HNRNPM: variants seen among roughly 807,000 people sequenced by gnomAD.
HNRNPM encodes the protein CEA receptor.
A neutral mutation model predicts 73.1 loss-of-function variants in HNRNPM; 11 were observed. The ratio of observed to expected loss-of-function variants is 0.15; its 90% confidence interval spans 0.09 to 0.25. The LOEUF (loss-of-function observed/expected upper bound fraction) is 0.25, where lower values mean the gene tolerates loss of function less well. Ranked by LOEUF, HNRNPM falls within the 10% of genes least tolerant of loss-of-function variation. The pLI, the probability that HNRNPM is intolerant of heterozygous loss-of-function variation, is 1.00. For missense variants in HNRNPM, 789 were observed against 1,067.9 expected (o/e 0.74, Z 3.64); for synonymous variants, 407 against 355.2 (o/e 1.15, Z -1.64).
At chr19:8,488,503 T>TGGGGCA (rs893684580) in intron 15 of HNRNPM, 188 bp from the exon 16 acceptor site, 46 of 472,978 alleles carry the variant, frequency 9.7e-5, no homozygotes, top group Non-Finnish European at 1.5e-4. Context: ...AGGCTTTTCA[T>TGGGGCA]GGGGCAGGGG....
intron 7 of HNRNPM, among the ~76,000 whole-genome samples, chr19:8,466,914 G>A (rs936211714): frequency 2.0e-5 from 3 of 150,524 alleles, no homozygotes; most frequent in African/African-American, 7.3e-5. Context: ...TACAACATGG[G>A]CATATGCCCA....
chr19:8,475,907 T>C (rs8104666), intron 12 of HNRNPM, among the ~76,000 whole-genome samples: 10 of 6,258 alleles, frequency 1.6e-3, no homozygotes, highest in Non-Finnish European at 2.8e-3. Flanking sequence ...ATCTCTCTCT[T>C]TTTTTTTTTT....
intron 11 of HNRNPM, among the ~76,000 whole-genome samples, 155 bp downstream of exon 11, chr19:8,473,863 G>A (rs1268451683): frequency 6.6e-6 from 1 of 151,956 alleles, no homozygotes. Flanking sequence ...TCCTTCCAGC[G>A]GGTGTCTTGG....
At chr19:8,483,074 T>C in intron 12 of HNRNPM, 84 bp from the exon 13 acceptor site, 1 of 838,206 alleles carries the variant, frequency 1.2e-6, no homozygotes, top group East Asian at 2.5e-5. Flanking sequence ...ATTAGTAGTA[T>C]TTCTACTCTG....
chr19:8,455,344 A>G (rs1185189356), intron 1 of HNRNPM, 61 bp from the exon 2 acceptor site: 1 of 1,377,308 alleles, frequency 7.3e-7, no homozygotes, highest in Non-Finnish European at 1.0e-6. Context: ...TCAAATAATT[A>G]TCTTTCACAT....
At chr19:8,472,087 C>G (rs544331407) in intron 10 of HNRNPM, among the ~76,000 whole-genome samples, 1 of 150,252 alleles carries the variant, frequency 6.7e-6, no homozygotes, top group African/African-American at 2.4e-5. Flanking sequence ...AGGAGAATTG[C>G]TTGAACCCGG....
At chr19:8,470,078 T>C (rs1428436546) in intron 9 of HNRNPM, among the ~76,000 whole-genome samples, 1 of 152,216 alleles carries the variant, frequency 6.6e-6, no homozygotes, top group Admixed American at 6.5e-5. Context: ...TGTTGACTCT[T>C]GTGCTGGAGC....
At chr19:8,464,329 G>GT (rs1272803918) in intron 5 of HNRNPM, among the ~76,000 whole-genome samples, 1 of 152,114 alleles carries the variant, frequency 6.6e-6, no homozygotes, top group Non-Finnish European at 1.5e-5. Flanking sequence ...GAGGAAGAAG[G>GT]TTTTTTTGTT....
At chr19:8,468,120 G>A (rs769556049) in intron 8 of HNRNPM, among the ~76,000 whole-genome samples, 3 of 152,204 alleles carry the variant, frequency 2.0e-5, no homozygotes, top group South Asian at 2.1e-4. Flanking sequence ...TGTTCATGGC[G>A]CATTCAGGAA....
intron 9 of HNRNPM, 116 bp downstream of exon 9, chr19:8,468,950 C>G (rs1044809078): frequency 3.9e-6 from 3 of 773,316 alleles, no homozygotes; most frequent in Non-Finnish European, 6.8e-6. Flanking sequence ...TTCTCTTGGC[C>G]AGTTCTTTTC....
rs767660290 is a variant in HNRNPM, at chr19:8,462,023, T to G, written c.284-506T>G. ...GCGGGGCTCTGTACAATTGCACGAG[T>G]TGCTCACCTGTGAAGCTGGCCCTGC... On this transcript the variant is annotated intron_variant, in intron 2 of 15. Transcript: ENST00000325495. This position sits in a 1 kb window ranked among gnomAD's most constrained non-coding sequence, Gnocchi z 4.5. 49 of 155,268 alleles carry G rather than the reference T, an allele frequency of 3.2e-4. No homozygotes were observed. The highest frequency in any genetic ancestry group is 6.7e-4 in the Non-Finnish European group (47 of 69,678). 9.6% of individuals were successfully genotyped at this position (155,268 alleles called of 1,614,324 possible).
chr19:8,475,699 G>A lies in HNRNPM; in HGVS notation c.1120+1455G>A, dbSNP rs182605186. ...GCGTTTCCAGTGTACATTCAAGCTT[G>A]CCTGTAACTTGTGTGTGCATGGGAT... is the stretch of plus-strand genomic sequence containing the variant. On this transcript the variant is annotated intron_variant, in intron 12 of 15. Coordinates refer to ENST00000325495, the MANE Select transcript of HNRNPM (RefSeq NM_005968.5). Among the ~76,000 whole-genome samples, 5 of 152,320 alleles carry A rather than the reference G, an allele frequency of 3.3e-5. No individual in the cohort carries two copies. In the East Asian group the frequency reaches 9.6e-4, roughly 29 times the overall value.
intron 12 of HNRNPM, among the ~76,000 whole-genome samples, chr19:8,481,227 G>A (rs1457371284): frequency 6.6e-6 from 1 of 152,214 alleles, no homozygotes; most frequent in East Asian, 1.9e-4. Flanking sequence ...GTGTAGCTGA[G>A]GCGATACTAA....
intron 8 of HNRNPM, 150 bp from the exon 9 acceptor site, chr19:8,468,624 C>G: frequency 3.2e-6 from 2 of 622,190 alleles, no homozygotes; most frequent in Middle Eastern, 2.5e-4. Flanking sequence ...GAAGCATGCT[C>G]CGCATGCCTT....
In HNRNPM at chr19:8,485,093, G is replaced by A. The variant is rs187060518; in HGVS notation, c.1175-510G>A. ...AATCCTTTCTCTGTGCCCTGGGAGC[G>A]CTGAGGAAATGCAGCCAGAGTGGCC... On this transcript the variant is annotated intron_variant, in intron 13 of 15. Transcript: ENST00000325495. 4.9e-4 allele frequency among the ~76,000 whole-genome samples: 75 copies of A among 152,050 alleles called. 2 individuals carry two copies. The highest frequency in any genetic ancestry group is 1.9e-4 in the Non-Finnish European group (13 of 67,970).
chr19:8,446,435 G>C lies in HNRNPM; in HGVS notation c.113+1324G>C, dbSNP rs188352330. Among the ~76,000 whole-genome samples, 15 of 152,210 alleles carry C rather than the reference G, an allele frequency of 9.9e-5. No homozygotes were observed. In the East Asian group the frequency reaches 2.9e-3, roughly 29 times the overall value. The stretch of plus-strand genomic sequence containing the variant: ...TATTTAATTTTTTTCTTTGAGACAG[G>C]GTCTCCCTCTGTTACCCAAGCTGGG... On this transcript the variant is annotated intron_variant, in intron 1 of 15. Transcript: ENST00000325495.
chr19:8,445,216 C>G (rs1198875738), intron 1 of HNRNPM, 105 bp downstream of exon 1: 4 of 1,041,832 alleles, frequency 3.8e-6, no homozygotes, highest in South Asian at 2.5e-5. Context: ...GGCGCGGCCT[C>G]GGCCCCGGCT....
chr19:8,487,214 C>T lies in HNRNPM; in HGVS notation c.2029+139C>T. On this transcript the variant is annotated intron_variant, in intron 15 of 15. Transcript: ENST00000325495. ...TTGCCATGTTCTGCCCACGCCAATGCTCAGGCAGGTTGTTGAGTGTCCTGT... is the reference window on the plus strand; with the variant it reads ...TTGCCATGTTCTGCCCACGCCAATGTTCAGGCAGGTTGTTGAGTGTCCTGT... 3 of 757,992 alleles carry T rather than the reference C, an allele frequency of 4.0e-6. No homozygotes were observed. In the South Asian group the frequency reaches 4.3e-5, roughly 11 times the overall value. 47.0% of individuals were successfully genotyped at this position (757,992 alleles called of 1,614,324 possible).
Position 8,455,944 on chromosome 19 carries a change from C to CTTTT in HNRNPM, c.283+383_283+386dup, listed in dbSNP as rs369296420. 3.5e-3 allele frequency among the ~76,000 whole-genome samples: 474 copies of CTTTT among 134,474 alleles called. 6 individuals are homozygous for CTTTT. The East Asian group carries it at 0.037, about 10-fold the overall frequency. 88.2% of individuals were successfully genotyped at this position (134,474 alleles called of 152,430 possible). The stretch of plus-strand genomic sequence containing the variant: ...GTGGGAGAGATTTTTCCTTTCTTTC[C>CTTTT]TTTTTTTTTTTTTTTTAAGCTTTTT... On this transcript the variant is annotated intron_variant, in intron 2 of 15. Transcript: ENST00000325495.
Sources: allele counts gnomAD v4.1 joint callset (sites outside exome capture counted in the v4.1 genomes callset), GRCh38; gene constraint gnomAD v4.1.1; non-coding constraint Gnocchi (gnomAD v3.1); transcripts MANE v1.5; gene names NCBI Gene and HGNC (gene_info 2026-07-23, HGNC 2026-07-21).